The following ZNF292 variants were observed in gnomAD, a reference collection of about 807,000 sequenced individuals.
ZNF292 encodes 16 zinc-finger domain protein.
In ZNF292, 26 loss-of-function variants were observed where a neutral mutation model predicts 217.9. The ratio of observed to expected loss-of-function variants is 0.12; its 90% CI spans 0.09 to 0.17. The LOEUF is 0.17. Ranked by LOEUF, ZNF292 falls within the 10% of genes least tolerant of loss-of-function variation. The probability of loss-of-function intolerance (pLI) is 1.00; values close to 1 mark genes in which losing one functional copy is unlikely to be tolerated. For missense variants in ZNF292, 2,904 were observed against 3,175.2 expected, an observed-to-expected ratio of 0.91 and a Z score of 2.05; for synonymous variants, 1,257 against 1,124.1, an observed-to-expected ratio of 1.12 and a Z score of -2.37.
intron 3 of ZNF292, among the ~76,000 whole-genome samples, chr6:87,218,027 T>C (rs979918364): frequency 1.3e-5 from 2 of 152,158 alleles, no homozygotes; most frequent in East Asian, 1.9e-4. Context: ...TATTGGTCTT[T>C]TGTGGACTGA....
chr6:87,172,560 C>G (rs1042470988), intron 1 of ZNF292, among the ~76,000 whole-genome samples: 1 of 151,998 alleles, frequency 6.6e-6, no homozygotes, highest in Non-Finnish European at 1.5e-5. Context: ...CTATAGTAGT[C>G]ATGATAAAAG....
chr6:87,173,249 T>C (rs2127774192), intron 1 of ZNF292: 1 of 152,342 alleles, frequency 6.6e-6, no homozygotes, highest in East Asian at 1.9e-4. Context: ...CCCTGTTTTG[T>C]AAACTGCTGA....
chr6:87,196,531 T>A (rs747362504), intron 1 of ZNF292, among the ~76,000 whole-genome samples: 4 of 152,230 alleles, frequency 2.6e-5, no homozygotes, highest in Non-Finnish European at 5.9e-5. Flanking sequence ...TGTCAAATTT[T>A]GGGAAAAGTT....
chr6:87,191,903 C>G (rs897112607), intron 1 of ZNF292, among the ~76,000 whole-genome samples: 4 of 152,136 alleles, frequency 2.6e-5, no homozygotes, highest in Admixed American at 1.3e-4. Flanking sequence ...CTCAGATGAT[C>G]CACCCCCCTT....
intron 5 of ZNF292, 27 bp downstream of exon 5, chr6:87,233,554 T>G: frequency 6.3e-7 from 1 of 1,574,824 alleles, no homozygotes; most frequent in African/African-American, 1.4e-5. Context: ...TCATTAGTAA[T>G]TATTTTTTAA....
In ZNF292 at chr6:87,218,750, G is replaced by C. The variant is rs1297008707; in HGVS notation, c.538+19G>C. 1.9e-6 allele frequency: 3 copies of C among 1,550,240 alleles called. No homozygotes were observed. The highest frequency in any genetic ancestry group is 1.7e-4 in the Middle Eastern group (1 of 5,956). On this transcript the variant is annotated intron_variant, in intron 4 of 7. Coordinates refer to ENST00000369577, the MANE Select transcript of ZNF292 (RefSeq NM_015021.3). Reference sequence around the variant, plus strand: ...GATAAAGGTAAATTTTCGAGAGACAGAGAAAAAAAAGAATAATTAGACTAG... The same window carrying C: ...GATAAAGGTAAATTTTCGAGAGACACAGAAAAAAAAGAATAATTAGACTAG...
chr6:87,218,834 A>G lies in ZNF292; in HGVS notation c.538+103A>G, dbSNP rs532338706. Reference sequence around the variant, plus strand: ...TTATCTCAAGATATTCCAAAGAAGGACCATTTAATTAAATATCTTCTGAGG... The same window carrying G: ...TTATCTCAAGATATTCCAAAGAAGGGCCATTTAATTAAATATCTTCTGAGG... On this transcript the variant is annotated intron_variant, in intron 4 of 7. Transcript: ENST00000369577. The G allele has an allele frequency of 4.0e-4, 507 of 1,270,774 alleles. 1 individual carries two copies. Among genetic ancestry groups the G allele is most frequent in the Non-Finnish European group, 5.2e-4 (485 of 940,044 alleles). 78.7% of individuals were successfully genotyped at this position (1,270,774 alleles called of 1,614,324 possible).
At chr6:87,235,044 A>G (rs2127826412) in intron 5 of ZNF292, among the ~76,000 whole-genome samples, 1 of 152,306 alleles carries the variant, frequency 6.6e-6, no homozygotes, top group Middle Eastern at 3.4e-3. Flanking sequence ...AGGATACTAT[A>G]TCACTATTAG....
chr6:87,235,552 T>G (rs1034009480), intron 5 of ZNF292, among the ~76,000 whole-genome samples: 3 of 150,864 alleles, frequency 2.0e-5, no homozygotes, highest in African/African-American at 7.4e-5. Context: ...AATCTGTGTC[T>G]CAAGTAAAAA....
intron 1 of ZNF292, among the ~76,000 whole-genome samples, chr6:87,207,897 T>G (rs1317343792): frequency 6.6e-6 from 1 of 152,188 alleles, no homozygotes; most frequent in African/African-American, 2.4e-5. Flanking sequence ...TGCATTCATC[T>G]CTCTCATGTT....
intron 7 of ZNF292, among the ~76,000 whole-genome samples, chr6:87,248,140 T>G (rs1206196856): frequency 6.6e-6 from 1 of 152,220 alleles, no homozygotes; most frequent in Non-Finnish European, 1.5e-5. Context: ...TTGTGTAGAA[T>G]CTAAAAACTG....
intron 1 of ZNF292, among the ~76,000 whole-genome samples, chr6:87,178,918 T>C (rs1334018801): frequency 6.6e-6 from 1 of 152,144 alleles, no homozygotes; most frequent in African/African-American, 2.4e-5. Context: ...TGTGGAGGCT[T>C]AGTAATACCC....
intron 1 of ZNF292, among the ~76,000 whole-genome samples, chr6:87,205,564 A>G (rs1241586462): frequency 6.6e-6 from 1 of 152,082 alleles, no homozygotes; most frequent in African/African-American, 2.4e-5. Flanking sequence ...TTCAGATAAG[A>G]TGATTCTTAA....
intron 2 of ZNF292, 95 bp downstream of exon 2, chr6:87,216,152 C>G (rs1018359207): frequency 1.8e-6 from 2 of 1,081,820 alleles, no homozygotes; most frequent in Non-Finnish European, 2.6e-6. Flanking sequence ...CACACACACA[C>G]ACACAACATT....
chr6:87,193,664 CA>C (rs1771880314), intron 1 of ZNF292, among the ~76,000 whole-genome samples: 1 of 152,186 alleles, frequency 6.6e-6, no homozygotes, highest in African/African-American at 2.4e-5. Context: ...CCCACACAAG[CA>C]CGCCCTCCGA....
At chr6:87,195,313 A>G (rs900097082) in intron 1 of ZNF292, among the ~76,000 whole-genome samples, 3 of 152,248 alleles carry the variant, frequency 2.0e-5, no homozygotes, top group African/African-American at 7.2e-5. Flanking sequence ...GAACAAGTAG[A>G]GAGTGAAAAA....
chr6:87,196,467 C>T (rs1249319504), intron 1 of ZNF292, among the ~76,000 whole-genome samples: 1 of 152,224 alleles, frequency 6.6e-6, no homozygotes, highest in Non-Finnish European at 1.5e-5. Flanking sequence ...CAGTTACACA[C>T]TTTGCTGTTC....
chr6:87,226,643 A>T (rs1773359677), intron 4 of ZNF292, among the ~76,000 whole-genome samples: 1 of 112,460 alleles, frequency 8.9e-6, no homozygotes, highest in South Asian at 2.9e-4. Context: ...ATATATCTAT[A>T]TATCTATATA....
Position 87,243,135 on chromosome 6 carries a change from G to T in ZNF292, c.742-340G>T, listed in dbSNP as rs576525893. 1.3e-4 allele frequency among the ~76,000 whole-genome samples: 20 copies of T among 152,012 alleles called. No homozygotes were observed. The South Asian group carries it at 3.9e-3, about 30-fold the overall frequency. On this transcript the variant is annotated intron_variant, in intron 5 of 7. Coordinates refer to ENST00000369577, the MANE Select transcript of ZNF292 (RefSeq NM_015021.3). ...GTACTGCATTTTTTTTTCATGATCA[G>T]ATCTGATTTAATGGGTAGAGATTGC... is the stretch of plus-strand genomic sequence containing the variant.
Sources: allele counts gnomAD v4.1 joint callset (sites outside exome capture counted in the v4.1 genomes callset), GRCh38; gene constraint gnomAD v4.1.1; transcripts MANE v1.5; gene names NCBI Gene and HGNC (gene_info 2026-07-23, HGNC 2026-07-21).